Variants in PTPRT observed in about 807,000 individuals in gnomAD.
PTPRT encodes receptor-type tyrosine-protein phosphatase T.
A neutral mutation model predicts 176.8 loss-of-function variants in PTPRT; 56 were observed. The observed-to-expected ratio is 0.32, with a 90% CI of 0.26 to 0.40. The LOEUF is 0.40. Among genes scored for constraint, PTPRT ranks in the 10% least tolerant of loss-of-function variants. The pLI is 1.00. For synonymous variants in PTPRT, 783 were observed against 739.0 expected (o/e 1.06, Z -0.96); for missense variants, 1,540 against 1,908.2 (o/e 0.81, Z 3.60).
At chr20:42,312,171 T>G (rs2057643512) in intron 12 of PTPRT, among the ~76,000 whole-genome samples, 1 of 152,248 alleles carries the variant, frequency 6.6e-6, no homozygotes, top group Non-Finnish European at 1.5e-5. Context: ...ATTCCACATT[T>G]CTCAATTCTT....
chr20:42,331,811 A>G (rs775445183), intron 11 of PTPRT, among the ~76,000 whole-genome samples: 2 of 152,154 alleles, frequency 1.3e-5, no homozygotes, highest in African/African-American at 2.4e-5. Flanking sequence ...TATATACCAA[A>G]TTCCAGAGAT....
At chr20:42,106,942 G>A (rs1199931476) in intron 23 of PTPRT, 21 bp from the exon 24 acceptor site, 1 of 1,609,322 alleles carries the variant, frequency 6.2e-7, no homozygotes, top group Non-Finnish European at 8.5e-7. Flanking sequence ...GGTATGGTCT[G>A]TGTTAAGGAT....
At chr20:42,170,867 C>A (rs922307924) in intron 16 of PTPRT, among the ~76,000 whole-genome samples, 2 of 152,054 alleles carry the variant, frequency 1.3e-5, no homozygotes, top group Non-Finnish European at 2.9e-5. Context: ...TAAATCTTCA[C>A]GTGTAAAGAG....
At chr20:42,516,206 T>C (rs1363861752) in intron 7 of PTPRT, among the ~76,000 whole-genome samples, 1 of 151,448 alleles carries the variant, frequency 6.6e-6, no homozygotes, top group Non-Finnish European at 1.5e-5. Flanking sequence ...TATACATATG[T>C]AACTAACCTG....
intron 15 of PTPRT, among the ~76,000 whole-genome samples, chr20:42,225,330 A>G (rs1259596025): frequency 6.6e-6 from 1 of 152,164 alleles, no homozygotes; most frequent in Non-Finnish European, 1.5e-5. Flanking sequence ...TTCATAAATG[A>G]CAATAATTCC....
intron 9 of PTPRT, among the ~76,000 whole-genome samples, chr20:42,384,353 A>C (rs2058723048): frequency 6.6e-6 from 1 of 152,184 alleles, no homozygotes; most frequent in Admixed American, 6.6e-5. Context: ...GCAGTGGGGA[A>C]GGAGGCAAAT....
At chr20:42,180,308 G>A (rs1210982177) in intron 16 of PTPRT, among the ~76,000 whole-genome samples, 1 of 151,622 alleles carries the variant, frequency 6.6e-6, no homozygotes, top group South Asian at 2.1e-4. Flanking sequence ...CTTGCCTTGG[G>A]AGCCTCTAAT....
At chr20:43,048,832 G>C (rs968439203) in intron 1 of PTPRT, among the ~76,000 whole-genome samples, 4 of 152,102 alleles carry the variant, frequency 2.6e-5, no homozygotes, top group Non-Finnish European at 5.9e-5. Flanking sequence ...TGGGCCTGTG[G>C]GGGGAGAGAG....
chr20:42,776,735 A>C (rs2077141810), intron 4 of PTPRT, among the ~76,000 whole-genome samples: 1 of 148,708 alleles, frequency 6.7e-6, no homozygotes, highest in Admixed American at 6.8e-5. Context: ...ATAATTATAT[A>C]TGATATGCTT....
chr20:42,141,892 G>C, intron 18 of PTPRT, 23 bp downstream of exon 18: 8 of 1,597,216 alleles, frequency 5.0e-6, no homozygotes, highest in Non-Finnish European at 6.9e-6. Context: ...CTGAAGCTTA[G>C]GAGCTCCCAG....
rs189473565 is a variant in PTPRT, at chr20:42,403,426, A to G, written c.1560+44794T>C. ...TGTACTGTTAAGCATATCACAGATA[A>G]ACAGATACCTTCCTCAAGTGCATCA... On this transcript the variant is annotated intron_variant, in intron 9 of 30. Coordinates refer to ENST00000373187, the MANE Select transcript of PTPRT (RefSeq NM_007050.6). 5.9e-5 allele frequency among the ~76,000 whole-genome samples: 9 copies of G among 152,284 alleles called. No individual in the cohort carries two copies. In the East Asian group the frequency reaches 1.7e-3, roughly 29 times the overall value.
chr20:43,084,918 T>G (rs2011564299), intron 1 of PTPRT, among the ~76,000 whole-genome samples: 1 of 152,198 alleles, frequency 6.6e-6, no homozygotes, highest in South Asian at 2.1e-4. Context: ...GGTATTTGCT[T>G]TTATAAACAA....
chr20:43,046,180 T>A (rs1035103735), intron 1 of PTPRT, among the ~76,000 whole-genome samples: 1 of 152,068 alleles, frequency 6.6e-6, no homozygotes, highest in Non-Finnish European at 1.5e-5. Flanking sequence ...ATCACTGTAG[T>A]TGGCAACGAA....
chr20:42,320,275 C>G (rs2057781769), intron 11 of PTPRT, among the ~76,000 whole-genome samples: 1 of 152,172 alleles, frequency 6.6e-6, no homozygotes, highest in Admixed American at 6.5e-5. Flanking sequence ...GCTGCTTGAC[C>G]ATCTTCCTCC....
In PTPRT at chr20:42,322,455, G is replaced by A. The variant is rs1432358192; in HGVS notation, c.1866-6459C>T. Among the ~76,000 whole-genome samples, 4 of 106,798 alleles carry A rather than the reference G, an allele frequency of 3.7e-5. 1 individual carries two copies. The highest frequency in any genetic ancestry group is 1.5e-4 in the African/African-American group (2 of 13,576). The allele number at this position is 106,798 out of a possible 152,430, so 70.1% of individuals were successfully genotyped here. A position where few individuals can be genotyped will look rare whatever the true frequency, so the allele number is the denominator to read the frequency against. ...GAACAGAGCCCTCAGAAATAACGCCGCATATCTACAACTGTCTGATCTTTG... is the reference window on the plus strand; with the variant it reads ...GAACAGAGCCCTCAGAAATAACGCCACATATCTACAACTGTCTGATCTTTG... On this transcript the variant is annotated intron_variant, in intron 11 of 30. Coordinates refer to ENST00000373187, the MANE Select transcript of PTPRT (RefSeq NM_007050.6).
Position 43,083,351 on chromosome 20 carries a change from T to TACATATATATATATATATATAC in PTPRT, c.88+106294_88+106295insGTATATATATATATATATATGT, listed in dbSNP as rs1555828987. On this transcript the variant is annotated intron_variant, in intron 1 of 30. Coordinates refer to ENST00000373187, the MANE Select transcript of PTPRT (RefSeq NM_007050.6). ...ATATATATATATATATATATATATA[T>TACATATATATATATATATATAC]ATATATATATATATATATACATTTT... is the stretch of plus-strand genomic sequence containing the variant. 4.5e-4 allele frequency among the ~76,000 whole-genome samples: 51 copies of TACATATATATATATATATATAC among 114,288 alleles called. 3 individuals carry two copies. Among genetic ancestry groups the TACATATATATATATATATATAC allele is most frequent in the African/African-American group, 1.5e-3 (44 of 29,104 alleles). The allele number at this position is 114,288 out of a possible 152,430, so 75.0% of individuals were successfully genotyped here. A position where few individuals can be genotyped will look rare whatever the true frequency, so the allele number is the denominator to read the frequency against.
chr20:42,828,026 T>C (rs1290052916), intron 2 of PTPRT, among the ~76,000 whole-genome samples: 1 of 152,228 alleles, frequency 6.6e-6, no homozygotes, highest in Non-Finnish European at 1.5e-5. Flanking sequence ...ATGTGGAAGC[T>C]ACTTTGGAAC....
At chr20:42,622,915 T>C (rs778476724) in intron 7 of PTPRT, among the ~76,000 whole-genome samples, 2 of 152,168 alleles carry the variant, frequency 1.3e-5, no homozygotes, top group South Asian at 4.1e-4. Flanking sequence ...TGTTTTTGCA[T>C]CCAAAAAGTT....
rs1343451032 is a variant in PTPRT at position 42,847,608 on chromosome 20, G to A, written c.214+38199C>T. On this transcript the variant is annotated intron_variant, in intron 2 of 30. Coordinates refer to ENST00000373187, the MANE Select transcript of PTPRT (RefSeq NM_007050.6). ...TATACATGTTCAGCCCTCATCACTG[G>A]GACACTAAATGGGGCTTTAGAGTCA... is the stretch of plus-strand genomic sequence containing the variant. Among the ~76,000 whole-genome samples, 4 of 152,176 alleles carry A rather than the reference G, an allele frequency of 2.6e-5. No individual in the cohort carries two copies. The East Asian group carries it at 7.8e-4, about 30-fold the overall frequency.
Sources: allele counts gnomAD v4.1 joint callset (sites outside exome capture counted in the v4.1 genomes callset), GRCh38; gene constraint gnomAD v4.1.1; transcripts MANE v1.5; gene names NCBI Gene and HGNC (gene_info 2026-07-23, HGNC 2026-07-21).